NPSR1: variants seen among roughly 807,000 people sequenced by gnomAD.
NPSR1 encodes neuropeptide S receptor.
NPSR1 carries 48 observed loss-of-function variants against 46.9 expected under a neutral mutation model. The observed-to-expected ratio is 1.02, with a 90% CI of 0.81 to 1.30. The LOEUF (loss-of-function observed/expected upper bound fraction) is 1.30, where lower values mean the gene tolerates loss of function less well. NPSR1 is among the 50% of genes most tolerant of loss of function. The pLI, the probability that NPSR1 is intolerant of heterozygous loss-of-function variation, is 0.00. For synonymous variants in NPSR1, 176 were observed against 168.1 expected, an observed-to-expected ratio of 1.05 and a Z score of -0.36; for missense variants, 450 against 449.5, an observed-to-expected ratio of 1.00 and a Z score of -0.01.
intron 2 of NPSR1, among the ~76,000 whole-genome samples, chr7:34,734,426 A>G (rs575161260): frequency 4.8e-4 from 73 of 152,318 alleles, no homozygotes; most frequent in African/African-American, 1.7e-3. Context: ...GGCAGGCCTC[A>G]ACTTCCAGAT....
In NPSR1 at chr7:34,663,069, G is replaced by GTGTGTGTGTGTGTGTGTT. The variant is rs1203512481; in HGVS notation, c.147+4523_147+4524insGTGTTTGTGTGTGTGTGT. ...TCTCTCTCTCTCTCTCTCTCTCTCT[G>GTGTGTGTGTGTGTGTGTT]TGTGTGTGTGTGTATGTGTGTGTGG... On this transcript the variant is annotated intron_variant, in intron 1 of 8. Transcript: ENST00000360581. 4.7e-3 allele frequency among the ~76,000 whole-genome samples: 332 copies of GTGTGTGTGTGTGTGTGTT among 71,060 alleles called. 2 individuals carry two copies. Among genetic ancestry groups the GTGTGTGTGTGTGTGTGTT allele is most frequent in the Middle Eastern group, 8.2e-3 (1 of 122 alleles). 46.6% of individuals were successfully genotyped at this position (71,060 alleles called of 152,430 possible). A position where few individuals can be genotyped will look rare whatever the true frequency, so the allele number is the denominator to read the frequency against.
intron 3 of NPSR1, among the ~76,000 whole-genome samples, chr7:34,810,218 C>A (rs1356882397): frequency 6.6e-6 from 1 of 152,226 alleles, no homozygotes; most frequent in African/African-American, 2.4e-5. Flanking sequence ...TACTCTTCTA[C>A]TCCCTCTGGA....
intron 2 of NPSR1, among the ~76,000 whole-genome samples, chr7:34,755,384 A>C (rs185984729): frequency 2.0e-5 from 3 of 152,334 alleles, no homozygotes. Context: ...AGAATGATTT[A>C]ATTCTTTACA....
At chr7:34,720,360 G>A (rs1783792765) in intron 2 of NPSR1, among the ~76,000 whole-genome samples, 1 of 152,094 alleles carries the variant, frequency 6.6e-6, no homozygotes. Context: ...CAGACCAGGG[G>A]TTGCTGAGCT....
At chr7:34,785,917 T>C (rs1289872792) in intron 3 of NPSR1, among the ~76,000 whole-genome samples, 4 of 152,192 alleles carry the variant, frequency 2.6e-5, no homozygotes, top group African/African-American at 9.6e-5. Flanking sequence ...TGAGCCTTCA[T>C]CAAATATTGG....
intron 2 of NPSR1, among the ~76,000 whole-genome samples, chr7:34,718,513 G>A (rs150646379): frequency 6.6e-6 from 1 of 152,340 alleles, no homozygotes; most frequent in African/African-American, 2.4e-5. Flanking sequence ...TGTTTTAGGT[G>A]ATTGGGCTGT....
In NPSR1 at chr7:34,689,573, C is replaced by G. The variant is rs1334410901; in HGVS notation, c.280+4889C>G. Among the ~76,000 whole-genome samples, 4 of 126,752 alleles carry G rather than the reference C, an allele frequency of 3.2e-5. No individual in the cohort carries two copies. The Admixed American group carries it at 3.9e-4, about 12-fold the overall frequency. 83.2% of individuals were successfully genotyped at this position (126,752 alleles called of 152,430 possible). On this transcript the variant is annotated intron_variant, in intron 2 of 8. Transcript: ENST00000360581. ...TGAGCCGAGATTGTGCCACTGCACTCCAGCCTGGATGACAGAGCCAGACTC... is the reference window on the plus strand; with the variant it reads ...TGAGCCGAGATTGTGCCACTGCACTGCAGCCTGGATGACAGAGCCAGACTC...
At chr7:34,727,190 GT>G (rs536131938) in intron 2 of NPSR1, among the ~76,000 whole-genome samples, 6 of 151,830 alleles carry the variant, frequency 4.0e-5, no homozygotes, top group African/African-American at 9.7e-5. Context: ...AAAATAAGGT[GT>G]TTTTTTTAAT....
At chr7:34,721,199 T>C (rs117022801) in intron 2 of NPSR1, among the ~76,000 whole-genome samples, 281 of 152,290 alleles carry the variant, frequency 1.8e-3, no homozygotes, top group Non-Finnish European at 3.4e-3. Flanking sequence ...GTGTAATTCA[T>C]GTTGCATAAC....
chr7:34,812,739 C>T (rs1444135876), intron 4 of NPSR1, among the ~76,000 whole-genome samples: 1 of 152,220 alleles, frequency 6.6e-6, no homozygotes, highest in Admixed American at 6.5e-5. Context: ...TGTTTAGCAA[C>T]CTGTTCTCCC....
chr7:34,786,109 T>C (rs551649024), intron 3 of NPSR1, among the ~76,000 whole-genome samples: 1 of 152,314 alleles, frequency 6.6e-6, no homozygotes, highest in Non-Finnish European at 1.5e-5. Context: ...TACTGTTTGA[T>C]AGCATTTTAC....
In NPSR1 at chr7:34,738,798, G is replaced by A. The variant is rs563290288; in HGVS notation, c.281-39664G>A. ...AAATTAACCAAGTGTACAATTAAGC[G>A]GCAGTTAGTACATTCAAAATGTGGT... is the stretch of plus-strand genomic sequence containing the variant. On this transcript the variant is annotated intron_variant, in intron 2 of 8. Transcript: ENST00000360581. Among the ~76,000 whole-genome samples the A allele has an allele frequency of 2.0e-4, 30 of 151,946 alleles. 2 individuals carry two copies. The South Asian group carries it at 2.1e-3, about 11-fold the overall frequency.
At chr7:34,769,115 A>G (rs568086063) in intron 2 of NPSR1, among the ~76,000 whole-genome samples, 1 of 152,116 alleles carries the variant, frequency 6.6e-6, no homozygotes, top group East Asian at 1.9e-4. Context: ...TATTTGTTCC[A>G]TCTATATTTT....
chr7:34,838,760 C>T (rs954972479), intron 6 of NPSR1, among the ~76,000 whole-genome samples: 5 of 152,158 alleles, frequency 3.3e-5, no homozygotes, highest in African/African-American at 1.2e-4. Flanking sequence ...TTCCCATAAA[C>T]AAGCATGGAG....
intron 8 of NPSR1, among the ~76,000 whole-genome samples, chr7:34,862,973 T>G (rs941571823): frequency 6.6e-6 from 1 of 151,756 alleles, no homozygotes; most frequent in Non-Finnish European, 1.5e-5. Flanking sequence ...GCTACCTGAC[T>G]TCAAACTATA....
Position 34,849,599 on chromosome 7 carries a change from C to T in NPSR1, c.1060C>T (p.Arg354Trp), listed in dbSNP as rs371959863. The change falls in exon 9 of 9, where the codon CGG becomes TGG. Residue 354 changes from arginine (R) to tryptophan (W), a missense_variant. Transcript: ENST00000360581. ...QRSQDSRMTF[R>W]ERTERHEMQI... is the part of the protein sequence containing the mutation. ...ATCACAGGATTCCAGAATGACGTTC[C>T]GGGAGAGAACTGAGAGGCATGAGAT... 24 of 1,614,092 alleles carry T rather than the reference C, an allele frequency of 1.5e-5. No individual in the cohort carries two copies. The highest frequency in any genetic ancestry group is 1.8e-5 in the Non-Finnish European group (21 of 1,180,018).
chr7:34,820,253 T>G lies in NPSR1; in HGVS notation c.479-7148T>G, dbSNP rs538287581. 9.2e-5 allele frequency among the ~76,000 whole-genome samples: 14 copies of G among 152,322 alleles called. No homozygotes were observed. In the South Asian group the frequency reaches 2.9e-3, roughly 32 times the overall value. Reference sequence around the variant, plus strand: ...CTCCAGACACATTAAGTGGTATGCATTGGATATGTATAGCTTTTTATATGC... The same window carrying G: ...CTCCAGACACATTAAGTGGTATGCAGTGGATATGTATAGCTTTTTATATGC... On this transcript the variant is annotated intron_variant, in intron 4 of 8. Transcript: ENST00000360581.
intron 6 of NPSR1, among the ~76,000 whole-genome samples, chr7:34,839,526 A>G (rs1035451795): frequency 2.0e-5 from 3 of 152,206 alleles, no homozygotes; most frequent in Non-Finnish European, 4.4e-5. Flanking sequence ...ATCCAATGCT[A>G]CATGTTTCAG....
At chr7:34,848,169 A>G (rs2128764924) in intron 7 of NPSR1, among the ~76,000 whole-genome samples, 1 of 152,328 alleles carries the variant, frequency 6.6e-6, no homozygotes, top group East Asian at 1.9e-4. Flanking sequence ...ATGAGAGGCT[A>G]TGGCCATAGT....
Sources: gnomAD v4.1 joint callset for allele counts (sites outside exome capture counted in the v4.1 genomes callset) on GRCh38, gnomAD v4.1.1 for gene constraint, MANE v1.5 for transcripts, NCBI Gene and HGNC (gene_info 2026-07-23, HGNC 2026-07-21) for gene names.